GRK2: variants seen among roughly 807,000 people sequenced by gnomAD.
GRK2 encodes adrenergic beta receptor kinase 1.
Under a neutral mutation model 97.8 loss-of-function variants are expected in GRK2, and 23 were observed. The ratio of observed to expected loss-of-function variants is 0.24; its 90% confidence interval spans 0.17 to 0.33. The LOEUF is 0.33. Ranked by LOEUF, GRK2 falls within the 10% of genes least tolerant of loss-of-function variation. The pLI is 1.00. For synonymous variants in GRK2, 425 were observed against 381.7 expected (o/e 1.11, Z -1.32); for missense variants, 633 against 956.9 (o/e 0.66, Z 4.47).
rs1860162507 is a variant in GRK2, at chr11:67,281,976, G to A, written c.957+24G>A. On this transcript the variant is annotated intron_variant, in intron 11 of 20. Transcript: ENST00000308595. This position sits in a 1 kb window ranked among gnomAD's most constrained non-coding sequence, Gnocchi z 5.7. Reference sequence around the variant, plus strand: ...AGGTGAGCGCCCCTGCTGTCCCCAGGCTGGACCTCCGTGGCTGTCCTCTCC... The same window carrying A: ...AGGTGAGCGCCCCTGCTGTCCCCAGACTGGACCTCCGTGGCTGTCCTCTCC... 3 of 1,612,678 alleles carry A rather than the reference G, an allele frequency of 1.9e-6. No homozygotes were observed. Among genetic ancestry groups the A allele is most frequent in the African/African-American group, 1.3e-5 (1 of 74,902 alleles).
In GRK2 at chr11:67,281,418, G is replaced by A; in HGVS notation, c.648-41G>A. 1.3e-6 allele frequency: 2 copies of A among 1,577,904 alleles called. No individual in the cohort carries two copies. The highest frequency in any genetic ancestry group is 1.7e-6 in the Non-Finnish European group (2 of 1,148,962). On this transcript the variant is annotated intron_variant, in intron 8 of 20. Transcript: ENST00000308595. The surrounding 1 kb of genome is among the most constrained non-coding windows in gnomAD (Gnocchi z 5.7). ...CCCCCTGAGGCAGCCCTGGGCCCCT[G>A]CTCTGAGGGTGGGTGTTGACTGCCG... is the stretch of plus-strand genomic sequence containing the variant.
chr11:67,283,512 G>T, intron 15 of GRK2, 195 bp from the exon 16 acceptor site: 1 of 629,506 alleles, frequency 1.6e-6, no homozygotes. Context: ...CTGGGCATAG[G>T]GTTGCAAAAT....
At chr11:67,272,820 A>G (rs1859938658) in intron 1 of GRK2, among the ~76,000 whole-genome samples, 1 of 152,230 alleles carries the variant, frequency 6.6e-6, no homozygotes, top group Non-Finnish European at 1.5e-5. Context: ...CTGGTCTGTG[A>G]GCAGAGGAGT....
In GRK2 at chr11:67,266,656, C is replaced by CGGCGGG. The variant is rs1859806465; in HGVS notation, c.-39_-38insGGGCGG. ...CCGAGCGCCGAGCGAGCAGGAGCGGCGGCGGCGGCGGCGGCGGCGGGAGGA... is the reference window on the plus strand; with the variant it reads ...CCGAGCGCCGAGCGAGCAGGAGCGGCGGCGGGGGCGGCGGCGGCGGCGGCGGGAGGA... On this transcript the variant is annotated 5_prime_UTR_variant, in exon 1 of 21. Coordinates refer to ENST00000308595, the MANE Select transcript of GRK2 (RefSeq NM_001619.5). The CGGCGGG allele has an allele frequency of 1.1e-6, 1 of 889,652 alleles. No individual in the cohort carries two copies. Among genetic ancestry groups the CGGCGGG allele is most frequent in the South Asian group, 4.5e-5 (1 of 22,434 alleles). 55.1% of individuals were successfully genotyped at this position (889,652 alleles called of 1,614,324 possible).
At position 67,276,186 on chromosome 11, in the gene GRK2, T is replaced by C. The variant is rs746497475; in HGVS notation, c.114-1086T>C. ...CATGTGAGCGTGACATGGGCTCAGGTGTGTTGTCCCTTCAGGCCCCCAGCC... is the reference window on the plus strand; with the variant it reads ...CATGTGAGCGTGACATGGGCTCAGGCGTGTTGTCCCTTCAGGCCCCCAGCC... On this transcript the variant is annotated intron_variant, in intron 1 of 20. Transcript: ENST00000308595. The surrounding 1 kb of genome is among the most constrained non-coding windows in gnomAD (Gnocchi z 4.2). Among the ~76,000 whole-genome samples the C allele has an allele frequency of 6.6e-6, 1 of 152,078 alleles. No homozygotes were observed. The highest frequency in any genetic ancestry group is 1.5e-5 in the Non-Finnish European group (1 of 68,006).
At chr11:67,279,802 C>T (rs756928179) in intron 5 of GRK2, 37 bp from the exon 6 acceptor site, 21 of 1,613,306 alleles carry the variant, frequency 1.3e-5, no homozygotes, top group East Asian at 2.2e-5. Context: ...CACGGTCTCT[C>T]GGGGCTCAGT....
intron 16 of GRK2, 27 bp downstream of exon 16, chr11:67,283,800 G>A (rs769605947): frequency 6.2e-7 from 1 of 1,610,554 alleles, no homozygotes; most frequent in South Asian, 1.1e-5. Flanking sequence ...GGGACTGGGG[G>A]TGCTCTGCAG....
chr11:67,272,844 G>T (rs1192184449), intron 1 of GRK2, among the ~76,000 whole-genome samples: 41 of 152,230 alleles, frequency 2.7e-4, no homozygotes. Flanking sequence ...ACCCTGCTCG[G>T]CTCAGCCCTG....
At position 67,281,826 on chromosome 11, in the gene GRK2, G is replaced by A. The variant is rs1860158875; in HGVS notation, c.831G>A (p.Gly277=). ...LSFILDLMNG[G]DLHYHLSQHG... Reference sequence around the variant, plus strand: ...CTGTGGGACTGCCTCCCTCAGGTGGGGACCTGCACTACCACCTCTCCCAGC... The same window carrying A: ...CTGTGGGACTGCCTCCCTCAGGTGGAGACCTGCACTACCACCTCTCCCAGC... Residue 277 remains glycine (G), a synonymous_variant, in exon 11 of 21, where the codon GGG becomes GGA. Coordinates refer to ENST00000308595, the MANE Select transcript of GRK2 (RefSeq NM_001619.5). The surrounding 1 kb of genome is among the most constrained non-coding windows in gnomAD (Gnocchi z 5.7). 6.2e-7 allele frequency: 1 copy of A among 1,613,718 alleles called. No individual in the cohort carries two copies.
At chr11:67,273,804 C>T (rs918967968) in intron 1 of GRK2, among the ~76,000 whole-genome samples, 4 of 152,214 alleles carry the variant, frequency 2.6e-5, no homozygotes, top group South Asian at 2.1e-4. Flanking sequence ...CTCAGAGCCC[C>T]GGGTCCTGCT....
Position 67,283,131 on chromosome 11 carries a change from G to A in GRK2, c.1231G>A (p.Val411Met), listed in dbSNP as rs761891768. 5.0e-6 allele frequency: 8 copies of A among 1,613,798 alleles called. No homozygotes were observed. Among genetic ancestry groups the A allele is most frequent in the Non-Finnish European group, 6.8e-6 (8 of 1,179,886 alleles). ...AATGTCCCACTCCTCTCTAAAGGCC[G>A]TGGAGCTGCCCGACTCCTTCTCCCC... is the stretch of plus-strand genomic sequence containing the variant. ...EIDRMTLTMA[V>M]ELPDSFSPEL... Residue 411 changes from valine to methionine, a missense_variant, in exon 15 of 21, where the codon GTG (valine) becomes ATG (methionine). Coordinates refer to ENST00000308595, the MANE Select transcript of GRK2 (RefSeq NM_001619.5).
Position 67,283,786 on chromosome 11 carries a change from G to A in GRK2, c.1395+13G>A, listed in dbSNP as rs202115396. 78 of 1,613,382 alleles carry A rather than the reference G, an allele frequency of 4.8e-5. No homozygotes were observed. In the East Asian group the frequency reaches 1.3e-3, roughly 27 times the overall value. On this transcript the variant is annotated intron_variant, in intron 16 of 20. Coordinates refer to ENST00000308595, the MANE Select transcript of GRK2 (RefSeq NM_001619.5). Reference sequence around the variant, plus strand: ...CTTCTTGCAGAAGGTAACAGTCTGCGGCAGGGACTGGGGGTGCTCTGCAGC... The same window carrying A: ...CTTCTTGCAGAAGGTAACAGTCTGCAGCAGGGACTGGGGGTGCTCTGCAGC...
chr11:67,281,251 C>G lies in GRK2; in HGVS notation c.647+67C>G, dbSNP rs747970757. The G allele has an allele frequency of 2.4e-5, 34 of 1,442,060 alleles. No individual in the cohort carries two copies. Among genetic ancestry groups the G allele is most frequent in the Non-Finnish European group, 3.3e-5 (34 of 1,037,540 alleles). The allele number at this position is 1,442,060 out of a possible 1,614,324, so 89.3% of individuals were successfully genotyped here. On this transcript the variant is annotated intron_variant, in intron 8 of 20. Transcript: ENST00000308595. The surrounding 1 kb of genome is among the most constrained non-coding windows in gnomAD (Gnocchi z 5.7). ...GGGCTCCTGGGGGACCCTGACAGGC[C>G]GGGTTCCACACAGGGCCACCTGCTG... is the stretch of plus-strand genomic sequence containing the variant.
chr11:67,283,369 A>G (rs1860196844), intron 15 of GRK2, 141 bp downstream of exon 15: 6 of 759,510 alleles, frequency 7.9e-6, no homozygotes, highest in South Asian at 3.1e-5. Flanking sequence ...GCCCTGTCCA[A>G]TGTTCTCAGA....
Position 67,269,071 on chromosome 11 carries a change from G to A in GRK2, c.113+2259G>A, listed in dbSNP as rs1184528581. Among the ~76,000 whole-genome samples, 1 of 152,234 alleles carries A rather than the reference G, an allele frequency of 6.6e-6. No homozygotes were observed. The highest frequency in any genetic ancestry group is 1.5e-5 in the Non-Finnish European group (1 of 68,038). ...CGAATGTCAGTGCGCTAAGGCCTGG[G>A]AAGGGCTACTGGCCACCCCTACATG... On this transcript the variant is annotated intron_variant, in intron 1 of 20. Transcript: ENST00000308595. The surrounding 1 kb of genome is among the most constrained non-coding windows in gnomAD (Gnocchi z 4.1).
In GRK2 at chr11:67,270,491, G is replaced by A. The variant is rs183802251; in HGVS notation, c.113+3679G>A. On this transcript the variant is annotated intron_variant, in intron 1 of 20. Transcript: ENST00000308595. ...GCTGCCTCGTTCCTGTTAACTCTTC[G>A]CAGCCAGAACTTCCTGCCCTCGATT... is the stretch of plus-strand genomic sequence containing the variant. 5.3e-4 allele frequency among the ~76,000 whole-genome samples: 81 copies of A among 151,974 alleles called. 1 individual carries two copies. The East Asian group carries it at 0.011, about 20-fold the overall frequency.
intron 1 of GRK2, among the ~76,000 whole-genome samples, chr11:67,270,555 C>T (rs886755406): frequency 6.6e-6 from 1 of 152,224 alleles, no homozygotes; most frequent in African/African-American, 2.4e-5. Flanking sequence ...CTCTCCCTCC[C>T]TCCTTCCTTC....
intron 1 of GRK2, among the ~76,000 whole-genome samples, chr11:67,271,526 C>T (rs961194130): frequency 5.3e-5 from 8 of 152,206 alleles, no homozygotes; most frequent in South Asian, 2.1e-4. Flanking sequence ...TGCATTCTAG[C>T]GTAATGCAGA....
At position 67,280,803 on chromosome 11, in the gene GRK2, G is replaced by C. The variant is rs746015491; in HGVS notation, c.555+20G>C. The C allele has an allele frequency of 1.9e-6, 3 of 1,613,482 alleles. No homozygotes were observed. In the South Asian group the frequency reaches 3.3e-5, roughly 18 times the overall value. ...ATCCACGTGAGTGGGCTTGGGTGGG[G>C]CATGGAAAGCCACGCACCCTGCTGC... On this transcript the variant is annotated intron_variant, in intron 7 of 20. Coordinates refer to ENST00000308595, the MANE Select transcript of GRK2 (RefSeq NM_001619.5).
Sources: allele counts gnomAD v4.1 joint callset (sites outside exome capture counted in the v4.1 genomes callset), GRCh38; gene constraint gnomAD v4.1.1; non-coding constraint Gnocchi (gnomAD v3.1); transcripts MANE v1.5; gene names NCBI Gene and HGNC (gene_info 2026-07-23, HGNC 2026-07-21).